ZNF585A: variants seen among roughly 807,000 people sequenced by gnomAD.
ZNF585A encodes zinc finger protein 585A.
In ZNF585A, 9 loss-of-function variants were observed where a neutral mutation model predicts 14.9. The ratio of observed to expected loss-of-function variants is 0.60; its 90% CI spans 0.36 to 1.05. ZNF585A has a LOEUF of 1.05. Among genes scored for constraint, ZNF585A ranks in the 50% least tolerant of loss-of-function variants. ZNF585A has a pLI of 0.01. For missense variants in ZNF585A, 726 were observed against 926.4 expected, an observed-to-expected ratio of 0.78 and a Z score of 2.81; for synonymous variants, 276 against 319.9, an observed-to-expected ratio of 0.86 and a Z score of 1.46.
chr19:37,169,706 A>G, intron 2 of ZNF585A, 133 bp downstream of exon 2: 2 of 955,648 alleles, frequency 2.1e-6, no homozygotes, highest in Non-Finnish European at 3.1e-6. Context: ...GATTTGTTTC[A>G]GGAGCAGCAG....
intron 2 of ZNF585A, among the ~76,000 whole-genome samples, chr19:37,157,893 T>A (rs558288600): frequency 6.6e-5 from 10 of 151,626 alleles, no homozygotes; most frequent in African/African-American, 2.4e-4. Flanking sequence ...AAGTTCTTTT[T>A]TTTTTTTTTT....
intron 2 of ZNF585A, among the ~76,000 whole-genome samples, chr19:37,166,206 G>A (rs1303046547): frequency 2.6e-5 from 4 of 151,778 alleles, no homozygotes; most frequent in African/African-American, 9.7e-5. Flanking sequence ...TAGAGATGGG[G>A]TTTCGCCATG....
rs773368901 is a variant in ZNF585A, at chr19:37,152,134, G to A, written c.1765C>T (p.Arg589Cys). 49 of 1,598,432 alleles carry A rather than the reference G, an allele frequency of 3.1e-5. No homozygotes were observed. In the East Asian group the frequency reaches 4.5e-4, roughly 15 times the overall value. ...TGATGAGTAATAAAGTTTGACTTGCGGATGAAAGCTCTTCCACACTCAGTG... is the reference window on the plus strand; with the variant it reads ...TGATGAGTAATAAAGTTTGACTTGCAGATGAAAGCTCTTCCACACTCAGTG... Reference protein sequence around the residue: ...VCTECGRAFIRKSNFITHQRI... With the variant: ...VCTECGRAFICKSNFITHQRI... The change falls in exon 5 of 5, where the codon CGC (arginine) becomes TGC (cysteine). Residue 589 changes from arginine (R) to cysteine (C), a missense_variant. Physicochemically the swap from Arg to Cys is radical, Grantham distance 180 (BLOSUM62 -3). Around this residue, in one of 2 missense-constraint regions of ZNF585A, gnomAD observed 243 missense variants for 383.6 expected, o/e 0.63. Coordinates refer to ENST00000292841, the MANE Select transcript of ZNF585A (RefSeq NM_001288800.2).
At chr19:37,160,597 T>G (rs1971999036) in intron 2 of ZNF585A, among the ~76,000 whole-genome samples, 1 of 151,716 alleles carries the variant, frequency 6.6e-6, no homozygotes, top group Non-Finnish European at 1.5e-5. Context: ...ACACCAATAT[T>G]AGGAATAAAA....
intron 4 of ZNF585A, among the ~76,000 whole-genome samples, chr19:37,154,847 T>C (rs1345815890): frequency 6.6e-6 from 1 of 150,502 alleles, no homozygotes; most frequent in East Asian, 1.9e-4. Context: ...TAAAAGTGAC[T>C]AGCAGGAGTG....
At chr19:37,160,735 C>T (rs1355878489) in intron 2 of ZNF585A, among the ~76,000 whole-genome samples, 1 of 152,104 alleles carries the variant, frequency 6.6e-6, no homozygotes, top group Non-Finnish European at 1.5e-5. Flanking sequence ...ACTACCAAAA[C>T]TCAAACCTTT....
rs1158097544 is a variant in ZNF585A at position 37,151,686 on chromosome 19, G to A, written c.2213C>T (p.Thr738Ile). The A allele has an allele frequency of 1.9e-6, 3 of 1,614,132 alleles. No individual in the cohort carries two copies. Residue 738 changes from threonine (T) to isoleucine (I), a missense_variant, in exon 5 of 5, where the codon ACA (threonine) becomes ATA (isoleucine). Around this residue, in one of 2 missense-constraint regions of ZNF585A, gnomAD observed 243 missense variants for 383.6 expected, o/e 0.63. Transcript: ENST00000292841. ...TDRSNLNKHQ[T>I]THTGDKPYKC... The stretch of plus-strand genomic sequence containing the variant: ...GTAGGGTTTGTCTCCAGTGTGTGTT[G>A]TCTGATGTTTATTCAAATTGGACCT...
intron 2 of ZNF585A, among the ~76,000 whole-genome samples, chr19:37,160,422 A>G (rs1036594388): frequency 6.6e-6 from 1 of 151,428 alleles, no homozygotes; most frequent in Non-Finnish European, 1.5e-5. Flanking sequence ...ACTCAAAAGC[A>G]AGCAGAAGGA....
At chr19:37,157,420 T>C (rs997790319) in intron 2 of ZNF585A, among the ~76,000 whole-genome samples, 1 of 152,256 alleles carries the variant, frequency 6.6e-6, no homozygotes, top group Admixed American at 6.5e-5. Context: ...CTTAAAAGAC[T>C]TGGAAAATAA....
intron 3 of ZNF585A, 126 bp downstream of exon 3, chr19:37,156,103 T>C: frequency 6.4e-7 from 1 of 1,550,946 alleles, no homozygotes; most frequent in Non-Finnish European, 8.7e-7. Flanking sequence ...CCTAAACAAA[T>C]AAAGAATCCT....
In ZNF585A at chr19:37,150,228, C is replaced by T. The variant is rs1027746324; in HGVS notation, c.*1361G>A. On this transcript the variant is annotated 3_prime_UTR_variant, in exon 5 of 5. Coordinates refer to ENST00000292841, the MANE Select transcript of ZNF585A (RefSeq NM_001288800.2). ...AAGGAAGAAAGTTAACAGCATCCAC[C>T]GTATTGAGGGCATTCCCACATGCTG... The T allele has an allele frequency of 1.3e-5, 2 of 152,064 alleles. No individual in the cohort carries two copies. Among genetic ancestry groups the T allele is most frequent in the African/African-American group, 2.4e-5 (1 of 41,406 alleles). The allele number at this position is 152,064 out of a possible 1,614,324, so 9.4% of individuals were successfully genotyped here.
rs761343878 is a variant in ZNF585A at position 37,152,502 on chromosome 19, T to C, written c.1397A>G (p.Tyr466Cys). Residue 466 changes from tyrosine (Y) to cysteine (C), a missense_variant, in exon 5 of 5, where the codon TAT (tyrosine) becomes TGT (cysteine). Tyr to Cys is a radical substitution (Grantham distance 194). This residue lies in a region of ZNF585A where 243 missense variants were observed against 383.6 expected (regional missense o/e 0.63). Transcript: ENST00000292841. ...HKRIHTGEKPYMCNKCGKAFT... is the reference protein window; with the variant it reads ...HKRIHTGEKPCMCNKCGKAFT... ...TGCCTTCCCACATTTATTGCACATATAGGGCTTTTCTCCTGTGTGAATTCG... is the reference window on the plus strand; with the variant it reads ...TGCCTTCCCACATTTATTGCACATACAGGGCTTTTCTCCTGTGTGAATTCG... The C allele has an allele frequency of 8.1e-6, 13 of 1,614,102 alleles. No individual in the cohort carries two copies. Among genetic ancestry groups the C allele is most frequent in the Non-Finnish European group, 1.1e-5 (13 of 1,180,044 alleles).
rs1412442132 is a variant in ZNF585A, at chr19:37,151,164, A to G, written c.*425T>C. 1 of 399,940 alleles carries G rather than the reference A, an allele frequency of 2.5e-6. No homozygotes were observed. The highest frequency in any genetic ancestry group is 4.4e-6 in the Non-Finnish European group (1 of 226,580). The allele number at this position is 399,940 out of a possible 1,614,324, so 24.8% of individuals were successfully genotyped here. A position where few individuals can be genotyped will look rare whatever the true frequency, so the allele number is the denominator to read the frequency against. On this transcript the variant is annotated 3_prime_UTR_variant, in exon 5 of 5. Transcript: ENST00000292841. ...ATGTGTTCCACAACGAACAACTCAC[A>G]TAACTTAGGATTCATCACTATCAAA...
At chr19:37,163,102 A>C (rs957102072) in intron 2 of ZNF585A, among the ~76,000 whole-genome samples, 3 of 152,174 alleles carry the variant, frequency 2.0e-5, no homozygotes, top group Non-Finnish European at 2.9e-5. Flanking sequence ...ATGTCATCAA[A>C]AAATTTAATG....
rs397833829 is a variant in ZNF585A, at chr19:37,152,500, T to C, written c.1399A>G (p.Met467Val). ...KRIHTGEKPY[M>V]CNKCGKAFTN... ...AATGCCTTCCCACATTTATTGCACA[T>C]ATAGGGCTTTTCTCCTGTGTGAATT... The change falls in exon 5 of 5, where the codon ATG becomes GTG. Residue 467 changes from methionine to valine, a missense_variant. Transcript: ENST00000292841. 3.0e-5 allele frequency: 49 copies of C among 1,613,900 alleles called. No homozygotes were observed. The highest frequency in any genetic ancestry group is 1.6e-4 in the Middle Eastern group (1 of 6,084).
In ZNF585A at chr19:37,159,173, C is replaced by G. The variant is rs1971974626; in HGVS notation, c.73-2818G>C. Among the ~76,000 whole-genome samples, 5 of 144,260 alleles carry G rather than the reference C, an allele frequency of 3.5e-5. No individual in the cohort carries two copies. In the Admixed American group the frequency reaches 3.7e-4, roughly 11 times the overall value. The allele number at this position is 144,260 out of a possible 152,430, so 94.6% of individuals were successfully genotyped here. A position where few individuals can be genotyped will look rare whatever the true frequency, so the allele number is the denominator to read the frequency against. ...CTGAGGCACGAGAATCACTTGAACC[C>G]AGGAGGTGGAGATTACAGTGAGCTG... On this transcript the variant is annotated intron_variant, in intron 2 of 4. Transcript: ENST00000292841.
chr19:37,160,284 G>A (rs1971993474), intron 2 of ZNF585A, among the ~76,000 whole-genome samples: 1 of 151,670 alleles, frequency 6.6e-6, no homozygotes, highest in East Asian at 1.9e-4. Flanking sequence ...AGAGGATGTA[G>A]TGAGCTGAGA....
At chr19:37,155,756 C>T in intron 4 of ZNF585A, 109 bp downstream of exon 4, 1 of 1,251,068 alleles carries the variant, frequency 8.0e-7, no homozygotes, top group Non-Finnish European at 1.1e-6. Context: ...ACATTCAGAA[C>T]TTTCCAGAAA....
At position 37,151,598 on chromosome 19, in the gene ZNF585A, G is replaced by T. The variant is rs777702698; in HGVS notation, c.2301C>A (p.Ser767Arg). The change falls in exon 5 of 5, where the codon AGC becomes AGA. Residue 767 changes from serine (S) to arginine (R), a missense_variant. Ser to Arg is a moderately radical substitution (Grantham distance 110). Coordinates refer to ENST00000292841, the MANE Select transcript of ZNF585A (RefSeq NM_001288800.2). ...QKSVFSVHQS[S>R]HA Reference sequence around the variant, plus strand: ...TCTCACACTGTTTCTCTCAAGCGTGGCTGCTCTGATGGACGCTGAACACTG... The same window carrying T: ...TCTCACACTGTTTCTCTCAAGCGTGTCTGCTCTGATGGACGCTGAACACTG... 1 of 1,612,602 alleles carries T rather than the reference G, an allele frequency of 6.2e-7. No individual in the cohort carries two copies. Among genetic ancestry groups the T allele is most frequent in the Non-Finnish European group, 8.5e-7 (1 of 1,178,996 alleles).
Sources: allele counts gnomAD v4.1 joint callset (sites outside exome capture counted in the v4.1 genomes callset), GRCh38; gene constraint gnomAD v4.1.1; regional missense constraint gnomAD v4.1.1; transcripts MANE v1.5; gene names NCBI Gene and HGNC (gene_info 2026-07-23, HGNC 2026-07-21).